Variants in ARHGAP40 observed in about 807,000 individuals in gnomAD.
ARHGAP40 encodes the protein rho GTPase-activating protein 40.
Under a neutral mutation model 73.5 loss-of-function variants are expected in ARHGAP40, and 43 were observed. The observed-to-expected ratio is 0.58, with a 90% CI of 0.46 to 0.75. The LOEUF (loss-of-function observed/expected upper bound fraction) is 0.75. Ranked by LOEUF, ARHGAP40 falls within the 30% of genes least tolerant of loss-of-function variation. The pLI, the probability that ARHGAP40 is intolerant of heterozygous loss-of-function variation, is 0.00. For synonymous variants in ARHGAP40, 300 were observed against 352.8 expected, an observed-to-expected ratio of 0.85 and a Z score of 1.68; for missense variants, 734 against 861.8, an observed-to-expected ratio of 0.85 and a Z score of 1.86.
intron 1 of ARHGAP40, among the ~76,000 whole-genome samples, chr20:38,613,614 A>T (rs1240290095): frequency 6.6e-6 from 1 of 152,076 alleles, no homozygotes; most frequent in African/African-American, 2.4e-5. Flanking sequence ...CCAGGTCTCC[A>T]CACCTAGGAT....
At chr20:38,647,108 T>A in exon 13 of ARHGAP40, 1 of 1,304,862 alleles carries the variant, frequency 7.7e-7, no homozygotes. Flanking sequence ...AGTGAGGACA[T>A]GGACAGCCTC....
chr20:38,605,302 C>A (rs1036346425), intron 1 of ARHGAP40, among the ~76,000 whole-genome samples: 1 of 152,178 alleles, frequency 6.6e-6, no homozygotes, highest in Non-Finnish European at 1.5e-5. Context: ...GATGCTCTCT[C>A]AGCCCTTAAG....
chr20:38,623,032 C>T (rs1019072577), intron 1 of ARHGAP40, among the ~76,000 whole-genome samples: 17 of 152,302 alleles, frequency 1.1e-4, no homozygotes, highest in Middle Eastern at 3.4e-3. Context: ...CTGTCATTTC[C>T]TCGCCTGTCC....
intron 1 of ARHGAP40, among the ~76,000 whole-genome samples, chr20:38,611,971 G>T (rs1440276860): frequency 6.6e-6 from 1 of 151,686 alleles, no homozygotes; most frequent in Non-Finnish European, 1.5e-5. Flanking sequence ...TGATCCTCCT[G>T]CCTCAGCCTC....
exon 11 of ARHGAP40, chr20:38,643,757 G>A: frequency 7.7e-7 from 1 of 1,305,908 alleles, no homozygotes; most frequent in Non-Finnish European, 1.0e-6. Context: ...ACAACAAGAT[G>A]ACTCTGAGGA....
intron 1 of ARHGAP40, chr20:38,615,363 G>A: frequency 1.3e-6 from 1 of 756,996 alleles, no homozygotes; most frequent in Admixed American, 1.8e-5. Flanking sequence ...GGTAAACCAG[G>A]GTTAAAAGGC....
At chr20:38,642,047 T>TTA (rs1306884086) in intron 10 of ARHGAP40, among the ~76,000 whole-genome samples, 1 of 152,072 alleles carries the variant, frequency 6.6e-6, no homozygotes, top group African/African-American at 2.4e-5. Context: ...TGCTAACAGG[T>TTA]GTTAGCACCT....
intron 13 of ARHGAP40, 28 bp from the exon 14 acceptor site, chr20:38,648,615 T>A (rs1233566272): frequency 7.7e-7 from 1 of 1,296,558 alleles, no homozygotes; most frequent in South Asian, 1.3e-5. Context: ...AGGCAGTAGT[T>A]TTTTTTTTCT....
chr20:38,630,765 C>T (rs1382373278), intron 5 of ARHGAP40, among the ~76,000 whole-genome samples: 1 of 152,166 alleles, frequency 6.6e-6, no homozygotes, highest in African/African-American at 2.4e-5. Context: ...TACCCCACCA[C>T]CCCCTCAGTG....
Position 38,646,916 on chromosome 20 carries a change from G to A in ARHGAP40, c.1711-41G>A, listed in dbSNP as rs2089057221. ...TCCACGTTGGAACTCCAGGCAAGCTGACTCTTATGTATATGGATCTTTCTC... is the reference window on the plus strand; with the variant it reads ...TCCACGTTGGAACTCCAGGCAAGCTAACTCTTATGTATATGGATCTTTCTC... On this transcript the variant is annotated intron_variant, in intron 12 of 14. Coordinates refer to ENST00000373345, the Ensembl canonical transcript of ARHGAP40. This position sits in a 1 kb window ranked among gnomAD's most constrained non-coding sequence, Gnocchi z 4.5. 1 of 1,274,904 alleles carries A rather than the reference G, an allele frequency of 7.8e-7. No individual in the cohort carries two copies. Among genetic ancestry groups the A allele is most frequent in the Non-Finnish European group, 1.0e-6 (1 of 971,346 alleles). 79.0% of individuals were successfully genotyped at this position (1,274,904 alleles called of 1,614,324 possible). A position where few individuals can be genotyped will look rare whatever the true frequency, so the allele number is the denominator to read the frequency against.
chr20:38,618,489 C>G (rs75994731), intron 1 of ARHGAP40, among the ~76,000 whole-genome samples: 5,487 of 152,170 alleles, frequency 0.036, 317 homozygotes, highest in African/African-American at 0.12. Context: ...TTCCGCTTAG[C>G]GATTCGATGG....
chr20:38,637,767 C>G, exon 7 of ARHGAP40: 11 of 1,305,316 alleles, frequency 8.4e-6, no homozygotes, highest in Non-Finnish European at 1.1e-5. Flanking sequence ...CAAAGTCCTC[C>G]CCAGCACACA....
Position 38,627,211 on chromosome 20 carries a change from C to A in ARHGAP40, c.554C>A (p.Ser185Ter). The A allele has an allele frequency of 7.7e-7, 1 of 1,305,268 alleles. No individual in the cohort carries two copies. Among genetic ancestry groups the A allele is most frequent in the Non-Finnish European group, 1.0e-6 (1 of 988,862 alleles). The allele number at this position is 1,305,268 out of a possible 1,614,324, so 80.9% of individuals were successfully genotyped here. ...AGGGATGTCTTTGGGGTCTTCAATT[C>A]AGGGGTAAGTGGCATATGGGTCATT... The change falls in exon 3 of 15, where the codon TCA becomes TAA. Residue 185 changes from serine to a stop codon, truncating the protein, a stop_gained. Transcript: ENST00000373345. LOFTEE classifies it high-confidence loss of function.
chr20:38,629,157 G>A (rs2088921503), intron 4 of ARHGAP40, among the ~76,000 whole-genome samples, 155 bp downstream of exon 4: 1 of 152,214 alleles, frequency 6.6e-6, no homozygotes, highest in Non-Finnish European at 1.5e-5. Context: ...GGAGCCCTGA[G>A]GGGACAGGTT....
At position 38,648,505 on chromosome 20, in the gene ARHGAP40, ATGC is replaced by A. The variant is rs138464868; in HGVS notation, c.1881-133_1881-131del. 3.6e-3 allele frequency: 2,189 copies of A among 600,458 alleles called. 38 individuals are homozygous for A. In the African/African-American group the frequency reaches 0.039, roughly 11 times the overall value. 37.2% of individuals were successfully genotyped at this position (600,458 alleles called of 1,614,324 possible). On this transcript the variant is annotated intron_variant, in intron 13 of 14. Transcript: ENST00000373345. The stretch of plus-strand genomic sequence containing the variant: ...CTCCAGCTCTCTCAGGAGGGTCCTT[ATGC>A]TGCTTCTCCCCAGCAGGACCAAAAA...
chr20:38,614,181 G>C (rs2088820657), intron 1 of ARHGAP40, among the ~76,000 whole-genome samples: 1 of 152,194 alleles, frequency 6.6e-6, no homozygotes, highest in Non-Finnish European at 1.5e-5. Flanking sequence ...AGTTATGTGA[G>C]TGATATGGGT....
chr20:38,610,239 C>G (rs180845732), intron 1 of ARHGAP40, among the ~76,000 whole-genome samples: 11 of 151,620 alleles, frequency 7.3e-5, no homozygotes, highest in Non-Finnish European at 1.6e-4. Flanking sequence ...AAAGCTCCCC[C>G]CACTGTGCCA....
At chr20:38,639,920 C>A (rs1207762986) in intron 9 of ARHGAP40, among the ~76,000 whole-genome samples, 1 of 152,224 alleles carries the variant, frequency 6.6e-6, no homozygotes, top group Non-Finnish European at 1.5e-5. Flanking sequence ...CAGCAGCTCT[C>A]CTGAGATCTC....
At chr20:38,626,958 C>CTG in intron 2 of ARHGAP40, 37 bp from the exon 3 acceptor site, 1 of 1,294,870 alleles carries the variant, frequency 7.7e-7, no homozygotes, top group Non-Finnish European at 1.0e-6. Flanking sequence ...GAGTGCAGAG[C>CTG]TGTGTGTGTT....
Sources: gnomAD v4.1 joint callset for allele counts (sites outside exome capture counted in the v4.1 genomes callset) on GRCh38, gnomAD v4.1.1 for gene constraint, Gnocchi (gnomAD v3.1) non-coding constraint, MANE v1.5 for transcripts, NCBI Gene and HGNC (gene_info 2026-07-23, HGNC 2026-07-21) for gene names.